The following PCDHGA4 variants were observed in gnomAD, a reference collection of about 807,000 sequenced individuals.
The protein encoded by PCDHGA4 is protocadherin gamma subfamily A, 4, also known as protocadherin gamma-A4.
Under a neutral mutation model 54.6 loss-of-function variants are expected in PCDHGA4, and 38 were observed. That is an observed-to-expected ratio of 0.70 (90% CI 0.54 to 0.91). The LOEUF (loss-of-function observed/expected upper bound fraction) is 0.91, where lower values mean the gene tolerates loss of function less well. PCDHGA4 is among the 40% of genes least tolerant of loss of function. The probability of loss-of-function intolerance (pLI) is 0.00; values close to 1 mark genes in which losing one functional copy is unlikely to be tolerated. For synonymous variants in PCDHGA4, 511 were observed against 512.9 expected (o/e 1.00, Z 0.05); for missense variants, 1,298 against 1,220.9 (o/e 1.06, Z -0.94).
intron 1 of PCDHGA4, among the ~76,000 whole-genome samples, chr5:141,453,670 G>A (rs191035462): frequency 2.5e-4 from 38 of 152,224 alleles, no homozygotes; most frequent in Middle Eastern, 6.8e-3. Context: ...TACACAAAAG[G>A]TAACACACTA....
chr5:141,393,443 G>T, intron 1 of PCDHGA4: 1 of 1,614,048 alleles, frequency 6.2e-7, no homozygotes, highest in Non-Finnish European at 8.5e-7. Context: ...CTCACCACCT[G>T]GTCCTCACGG....
In PCDHGA4 at chr5:141,383,284, A is replaced by G. The variant is rs760384498; in HGVS notation, c.2514+25663A>G. ...CGTGGAAATAATAGATATTAATGAC[A>G]ACGTTCCAAGATTCTTGACGGAAGA... On this transcript the variant is annotated intron_variant, in intron 1 of 3. Transcript: ENST00000571252. 4 of 1,613,962 alleles carry G rather than the reference A, an allele frequency of 2.5e-6. No homozygotes were observed. In the East Asian group the frequency reaches 8.9e-5, roughly 36 times the overall value.
rs1780458671 is a variant in PCDHGA4 at position 141,384,757 on chromosome 5, G to C, written c.2514+27136G>C. Reference sequence around the variant, plus strand: ...CAGCGAGCCAGGACTCTTTGCGGTTGGGCTGTACACGGGCGAGGTGCGCAC... The same window carrying C: ...CAGCGAGCCAGGACTCTTTGCGGTTCGGCTGTACACGGGCGAGGTGCGCAC... On this transcript the variant is annotated intron_variant, in intron 1 of 3. Transcript: ENST00000571252. 7 of 1,613,872 alleles carry C rather than the reference G, an allele frequency of 4.3e-6. No individual in the cohort carries two copies. The East Asian group carries it at 1.6e-4, about 36-fold the overall frequency.
intron 1 of PCDHGA4, chr5:141,376,394 C>T (rs1772639427): frequency 3.1e-6 from 5 of 1,614,110 alleles, no homozygotes; most frequent in South Asian, 1.1e-5. Context: ...TCTGATTTTC[C>T]CCCAGCCCAA....
rs956295940 is a variant in PCDHGA4 at position 141,477,700 on chromosome 5, G to T, written c.2515-17107G>T. The T allele has an allele frequency of 1.2e-6, 2 of 1,613,954 alleles. No individual in the cohort carries two copies. Among genetic ancestry groups the T allele is most frequent in the African/African-American group, 2.7e-5 (2 of 74,928 alleles). On this transcript the variant is annotated intron_variant, in intron 1 of 3. Coordinates refer to ENST00000571252, the MANE Select transcript of PCDHGA4 (RefSeq NM_018917.4). This position sits in a 1 kb window ranked among gnomAD's most constrained non-coding sequence, Gnocchi z 4.9. ...CATCCTTAGTGCCCCTAGACTATGAGGATCGGCGGGAATTTGAATTAACAG... is the reference window on the plus strand; with the variant it reads ...CATCCTTAGTGCCCCTAGACTATGATGATCGGCGGGAATTTGAATTAACAG...
At chr5:141,427,352 G>A (rs982774903) in intron 1 of PCDHGA4, 3 of 457,474 alleles carry the variant, frequency 6.6e-6, no homozygotes, top group African/African-American at 6.0e-5. Flanking sequence ...CTGTAACTGA[G>A]GACGCAGAAC....
At chr5:141,370,435 G>A (rs748496364) in intron 1 of PCDHGA4, 30 of 1,603,488 alleles carry the variant, frequency 1.9e-5, no homozygotes, top group Middle Eastern at 1.7e-4. Context: ...GCAGGGCAGA[G>A]GCGAATGCTA....
At position 141,491,137 on chromosome 5, in the gene PCDHGA4, GC is replaced by G. The variant is rs1373404184; in HGVS notation, c.2515-3668del. ...CACTGGTGAGGTGCGCACAGCCCGG[GC>G]CTTACTGGAGGATGACTCTGACACC... On this transcript the variant is annotated intron_variant, in intron 1 of 3. Transcript: ENST00000571252. This position sits in a 1 kb window ranked among gnomAD's most constrained non-coding sequence, Gnocchi z 6.9. The G allele has an allele frequency of 1.2e-6, 2 of 1,614,156 alleles. No individual in the cohort carries two copies. Among genetic ancestry groups the G allele is most frequent in the Non-Finnish European group, 1.7e-6 (2 of 1,180,008 alleles).
intron 1 of PCDHGA4, chr5:141,364,279 G>A: frequency 1.3e-6 from 2 of 1,515,964 alleles, no homozygotes; most frequent in Non-Finnish European, 1.8e-6. Flanking sequence ...AGATAAATAA[G>A]GAAACAGCAG....
intron 1 of PCDHGA4, among the ~76,000 whole-genome samples, chr5:141,484,535 A>G (rs2099597486): frequency 6.6e-6 from 1 of 152,178 alleles, no homozygotes. Flanking sequence ...AGTATATGGC[A>G]GTGGTTCTAA....
rs1244735686 is a variant in PCDHGA4 at position 141,432,142 on chromosome 5, C to A, written c.2515-62665C>A. 1 of 1,614,098 alleles carries A rather than the reference C, an allele frequency of 6.2e-7. No homozygotes were observed. The highest frequency in any genetic ancestry group is 1.1e-5 in the South Asian group (1 of 91,066). On this transcript the variant is annotated intron_variant, in intron 1 of 3. Transcript: ENST00000571252. This position sits in a 1 kb window ranked among gnomAD's most constrained non-coding sequence, Gnocchi z 6.0. ...CTCAGGCCTCCTATTCCGCTTATAT[C>A]CCAGAGAACAATCCCAGAGGAGTTT...
chr5:141,432,586 C>G lies in PCDHGA4; in HGVS notation c.2515-62221C>G. 6.2e-7 allele frequency: 1 copy of G among 1,613,852 alleles called. No homozygotes were observed. The highest frequency in any genetic ancestry group is 8.5e-7 in the Non-Finnish European group (1 of 1,179,972). On this transcript the variant is annotated intron_variant, in intron 1 of 3. Transcript: ENST00000571252. The surrounding 1 kb of genome is among the most constrained non-coding windows in gnomAD (Gnocchi z 6.0). ...ACGCCTGGCTGTCCTACCGTCTGCT[C>G]AAGGCCAGCGAGCCGGGACTCTTCT...
intron 1 of PCDHGA4, chr5:141,393,690 C>A (rs779487285): frequency 6.2e-7 from 1 of 1,613,752 alleles, no homozygotes; most frequent in African/African-American, 1.3e-5. Flanking sequence ...TCCGTTATTC[C>A]AGCTTAATGA....
chr5:141,471,618 A>C (rs1421854064), intron 1 of PCDHGA4: 1 of 152,218 alleles, frequency 6.6e-6, no homozygotes, highest in Non-Finnish European at 1.5e-5. Context: ...TGGGAGTAGT[A>C]AGCATTGGTA....
At chr5:141,372,579 C>A in intron 1 of PCDHGA4, 1 of 1,614,048 alleles carries the variant, frequency 6.2e-7, no homozygotes, top group Non-Finnish European at 8.5e-7. Flanking sequence ...CTACTTTCAG[C>A]CTGGTGTCTG....
At chr5:141,375,992 G>C in intron 1 of PCDHGA4, 5 of 1,613,446 alleles carry the variant, frequency 3.1e-6, no homozygotes, top group Non-Finnish European at 4.2e-6. Context: ...GGACAGAGAC[G>C]CGCTCAAGCA....
At chr5:141,365,346 A>C (rs2149875174) in intron 1 of PCDHGA4, 1 of 1,613,970 alleles carries the variant, frequency 6.2e-7, no homozygotes, top group East Asian at 2.2e-5. Flanking sequence ...ACAGTACAGG[A>C]CGTGAATGAC....
chr5:141,496,276 G>C (rs1189269883), intron 2 of PCDHGA4, among the ~76,000 whole-genome samples: 1 of 152,204 alleles, frequency 6.6e-6, no homozygotes, highest in Admixed American at 6.5e-5. Flanking sequence ...AAGACCTTCA[G>C]TTGGTCTGAG....
Position 141,493,701 on chromosome 5 carries a change from C to G in PCDHGA4, c.2515-1106C>G, listed in dbSNP as rs2099749680. 6.6e-6 allele frequency among the ~76,000 whole-genome samples: 1 copy of G among 152,172 alleles called. No homozygotes were observed. Among genetic ancestry groups the G allele is most frequent in the Admixed American group, 6.5e-5 (1 of 15,286 alleles). On this transcript the variant is annotated intron_variant, in intron 1 of 3. Coordinates refer to ENST00000571252, the MANE Select transcript of PCDHGA4 (RefSeq NM_018917.4). This position sits in a 1 kb window ranked among gnomAD's most constrained non-coding sequence, Gnocchi z 4.3. Reference sequence around the variant, plus strand: ...ATGGTGCTGGTGACTCCCGATACACCTGGAATGCTAGGTTTCTGGGTTCTG... The same window carrying G: ...ATGGTGCTGGTGACTCCCGATACACGTGGAATGCTAGGTTTCTGGGTTCTG...
Sources: allele counts gnomAD v4.1 joint callset (sites outside exome capture counted in the v4.1 genomes callset), GRCh38; gene constraint gnomAD v4.1.1; non-coding constraint Gnocchi (gnomAD v3.1); transcripts MANE v1.5; gene names NCBI Gene and HGNC (gene_info 2026-07-23, HGNC 2026-07-21).